The following GARRE1 variants were observed in gnomAD, a reference collection of about 807,000 sequenced individuals.
GARRE1 encodes granule associated Rac and RHOG effector protein 1.
GARRE1 carries 49 observed loss-of-function variants against 103.2 expected under a neutral mutation model. The observed-to-expected ratio is 0.47, with a 90% CI of 0.38 to 0.60. The LOEUF (loss-of-function observed/expected upper bound fraction) is 0.60. Ranked by LOEUF, GARRE1 falls within the 20% of genes least tolerant of loss-of-function variation. The pLI, the probability that GARRE1 is intolerant of heterozygous loss-of-function variation, is 0.00. For missense variants in GARRE1, 1,199 were observed against 1,370.5 expected (o/e 0.87, Z 1.98); for synonymous variants, 505 against 532.8 (o/e 0.95, Z 0.72).
chr19:34,292,362 TATTC>T (rs1448614610), intron 1 of GARRE1, among the ~76,000 whole-genome samples: 6 of 152,260 alleles, frequency 3.9e-5, no homozygotes. Context: ...TACATTTGTT[TATTC>T]ATTTGTCAGT....
chr19:34,351,435 C>A, intron 12 of GARRE1, 79 bp from the exon 13 acceptor site: 1 of 1,093,222 alleles, frequency 9.1e-7, no homozygotes, highest in Non-Finnish European at 1.4e-6. Context: ...GATGCTGGAG[C>A]CTAGCACTAG....
At chr19:34,265,829 T>A (rs2073748021) in intron 1 of GARRE1, among the ~76,000 whole-genome samples, 1 of 152,210 alleles carries the variant, frequency 6.6e-6, no homozygotes, top group South Asian at 2.1e-4. Flanking sequence ...GATTTAATCC[T>A]CAGCAGTACT....
In GARRE1 at chr19:34,341,407, T is replaced by A. The variant is rs762131011; in HGVS notation, c.1488-15T>A. 1.0e-4 allele frequency: 164 copies of A among 1,584,860 alleles called. No homozygotes were observed. The highest frequency in any genetic ancestry group is 3.4e-4 in the Middle Eastern group (2 of 5,922). On this transcript the variant is annotated splice_polypyrimidine_tract_variant and intron_variant, in intron 9 of 13. Coordinates refer to ENST00000299505, the MANE Select transcript of GARRE1 (RefSeq NM_014686.5). Reference sequence around the variant, plus strand: ...TTTGTCTTTTTTTTTTTTAAACAAATTTCTGTTTAAATAGGGAGCAAGCTT... The same window carrying A: ...TTTGTCTTTTTTTTTTTTAAACAAAATTCTGTTTAAATAGGGAGCAAGCTT...
Position 34,327,767 on chromosome 19 carries a change from C to A in GARRE1, c.847-4C>A. On this transcript the variant is annotated splice_polypyrimidine_tract_variant and splice_region_variant and intron_variant, in intron 4 of 13. Transcript: ENST00000299505. ...CTTGATTGTTAAAAATAATTTATTT[C>A]CAGGCATATAAGATAGCTCTGGAAA... The A allele has an allele frequency of 6.2e-7, 1 of 1,606,132 alleles. No individual in the cohort carries two copies. Among genetic ancestry groups the A allele is most frequent in the East Asian group, 2.2e-5 (1 of 44,830 alleles).
At chr19:34,257,163 T>C (rs115065065) in intron 1 of GARRE1, among the ~76,000 whole-genome samples, 70,070 of 143,228 alleles carry the variant, frequency 0.49, 19,421 homozygotes, top group Non-Finnish European at 0.62. Context: ...AAGCATCCTT[T>C]TTTTTTTTTT....
chr19:34,273,947 T>C (rs1300870475), intron 1 of GARRE1, among the ~76,000 whole-genome samples: 1 of 152,120 alleles, frequency 6.6e-6, no homozygotes, highest in Non-Finnish European at 1.5e-5. Flanking sequence ...CGCAGAGTGG[T>C]GTGATCACAT....
At position 34,327,881 on chromosome 19, in the gene GARRE1, C is replaced by T; in HGVS notation, c.942+15C>T. ...CAAGTTTGCAGGTACACTTTTCCTT[C>T]CTAAAGCTCTGGGGACCTATGGCGC... On this transcript the variant is annotated intron_variant, in intron 5 of 13. Transcript: ENST00000299505. The T allele has an allele frequency of 6.2e-7, 1 of 1,613,934 alleles. No homozygotes were observed.
At chr19:34,318,545 C>T (rs2074070432) in intron 2 of GARRE1, among the ~76,000 whole-genome samples, 1 of 152,214 alleles carries the variant, frequency 6.6e-6, no homozygotes, top group South Asian at 2.1e-4. Context: ...AATAAGTAAT[C>T]TGCATAAGCC....
rs1279702504 is a variant in GARRE1 at position 34,319,972 on chromosome 19, G to A, written c.561G>A (p.Gln187=). 6.2e-7 allele frequency: 1 copy of A among 1,614,246 alleles called. No homozygotes were observed. The highest frequency in any genetic ancestry group is 1.7e-5 in the Admixed American group (1 of 60,028). Reference sequence around the variant, plus strand: ...TCCAGTTTTTGACTCATGCGTTACAGAAGGTCCAGCCGGTGGCTCACTCTT... The same window carrying A: ...TCCAGTTTTTGACTCATGCGTTACAAAAGGTCCAGCCGGTGGCTCACTCTT... The part of the protein sequence containing the change: ...VHFQFLTHAL[Q]KVQPVAHSCF... Residue 187 remains glutamine (Q), a synonymous_variant, in exon 3 of 14, where the codon CAG becomes CAA. Coordinates refer to ENST00000299505, the MANE Select transcript of GARRE1 (RefSeq NM_014686.5).
Position 34,347,994 on chromosome 19 carries a change from T to C in GARRE1, c.2639T>C (p.Met880Thr), listed in dbSNP as rs773185265. The C allele has an allele frequency of 6.3e-7, 1 of 1,576,114 alleles. No homozygotes were observed. The highest frequency in any genetic ancestry group is 1.8e-5 in the Admixed American group (1 of 55,980). Residue 880 changes from methionine to threonine, a missense_variant, in exon 11 of 14, where the codon ATG becomes ACG. Physicochemically the swap from Met to Thr is moderately conservative, Grantham distance 81. Transcript: ENST00000299505. ...PGNPRGNWPP[M>T]DDAHRTWPFP... ...AACCCCCGGGGCAACTGGCCGCCTATGGATGACGCGCATCGGACCTGGCCC... is the reference window on the plus strand; with the variant it reads ...AACCCCCGGGGCAACTGGCCGCCTACGGATGACGCGCATCGGACCTGGCCC...
Position 34,354,372 on chromosome 19 carries a change from A to G in GARRE1, c.*1417A>G, listed in dbSNP as rs2074258596. The G allele has an allele frequency of 6.6e-6, 1 of 152,174 alleles. No homozygotes were observed. The highest frequency in any genetic ancestry group is 2.1e-4 in the South Asian group (1 of 4,834). 9.4% of individuals were successfully genotyped at this position (152,174 alleles called of 1,614,324 possible). On this transcript the variant is annotated 3_prime_UTR_variant, in exon 14 of 14. Coordinates refer to ENST00000299505, the MANE Select transcript of GARRE1 (RefSeq NM_014686.5). Reference sequence around the variant, plus strand: ...TCTACAGATATAAGTAAATTTATATATAAAAATACCAAAAAGAGGCTGGGC... The same window carrying G: ...TCTACAGATATAAGTAAATTTATATGTAAAAATACCAAAAAGAGGCTGGGC...
intron 1 of GARRE1, among the ~76,000 whole-genome samples, chr19:34,261,965 C>A (rs376254735): frequency 6.6e-6 from 1 of 152,074 alleles, no homozygotes; most frequent in South Asian, 2.1e-4. Context: ...GGCATCATGT[C>A]ACATGTCACC....
Position 34,347,816 on chromosome 19 carries a change from A to G in GARRE1, c.2522-61A>G, listed in dbSNP as rs2074218958. ...TGTGACCAGCACGTTAGCAAAGCGT[A>G]GGGAAGGACCAAGAGGCCAGTTTGT... On this transcript the variant is annotated intron_variant, in intron 10 of 13. Transcript: ENST00000299505. The G allele has an allele frequency of 5.7e-6, 8 of 1,414,682 alleles. No individual in the cohort carries two copies. In the East Asian group the frequency reaches 2.1e-4, roughly 37 times the overall value. 87.6% of individuals were successfully genotyped at this position (1,414,682 alleles called of 1,614,324 possible).
intron 1 of GARRE1, among the ~76,000 whole-genome samples, chr19:34,287,393 G>A (rs546764391): frequency 1.3e-5 from 2 of 152,246 alleles, no homozygotes; most frequent in East Asian, 3.9e-4. Context: ...CTGGACTCAA[G>A]TGACCCTCCT....
chr19:34,268,701 C>T (rs575537537), intron 1 of GARRE1, among the ~76,000 whole-genome samples: 2 of 152,056 alleles, frequency 1.3e-5, no homozygotes, highest in African/African-American at 4.8e-5. Context: ...TGACTCACAC[C>T]TGTAATCCCA....
intron 1 of GARRE1, among the ~76,000 whole-genome samples, chr19:34,286,378 C>T (rs2073886171): frequency 6.6e-6 from 1 of 151,988 alleles, no homozygotes; most frequent in South Asian, 2.1e-4. Context: ...TCCCACCACA[C>T]CTGGCTAATT....
At chr19:34,311,202 AGCT>A (rs1033312585) in intron 2 of GARRE1, among the ~76,000 whole-genome samples, 5 of 152,038 alleles carry the variant, frequency 3.3e-5, no homozygotes, top group African/African-American at 9.7e-5. Context: ...ACATTGCCCA[AGCT>A]GCCATTTTTT....
In GARRE1 at chr19:34,341,463, A is replaced by G. The variant is rs2074185123; in HGVS notation, c.1529A>G (p.Glu510Gly). The change falls in exon 10 of 14, where the codon GAG becomes GGG. Residue 510 changes from glutamate (E) to glycine (G), a missense_variant. Coordinates refer to ENST00000299505, the MANE Select transcript of GARRE1 (RefSeq NM_014686.5). The part of the protein sequence containing the change: ...LPCIQIQLQR[E>G]ICDFGNQADL... ...TGCATACAGATCCAGCTGCAAAGGG[A>G]GATCTGTGATTTTGGCAACCAGGCT... is the stretch of plus-strand genomic sequence containing the variant. 1.9e-6 allele frequency: 3 copies of G among 1,613,674 alleles called. No homozygotes were observed. The highest frequency in any genetic ancestry group is 2.5e-6 in the Non-Finnish European group (3 of 1,179,954).
chr19:34,338,483 A>G (rs968999064), intron 8 of GARRE1, among the ~76,000 whole-genome samples: 4 of 152,178 alleles, frequency 2.6e-5, no homozygotes, highest in African/African-American at 9.7e-5. Context: ...GATAACAGTG[A>G]GCTTTGATCA....
Sources: allele counts gnomAD v4.1 joint callset (sites outside exome capture counted in the v4.1 genomes callset), GRCh38; gene constraint gnomAD v4.1.1; transcripts MANE v1.5; gene names NCBI Gene and HGNC (gene_info 2026-07-23, HGNC 2026-07-21).